The following NTM variants were observed in gnomAD, a reference collection of about 807,000 sequenced individuals.
The protein encoded by NTM is IgLON family member 2.
NTM carries 13 observed loss-of-function variants against 42.1 expected under a neutral mutation model. The ratio of observed to expected loss-of-function variants is 0.31; its 90% CI spans 0.20 to 0.49. The LOEUF (loss-of-function observed/expected upper bound fraction) is 0.49, where lower values mean the gene tolerates loss of function less well. Ranked by LOEUF, NTM falls within the 20% of genes least tolerant of loss-of-function variation. The pLI is 0.99. For missense variants in NTM, 373 were observed against 452.8 expected, an observed-to-expected ratio of 0.82 and a Z score of 1.60; for synonymous variants, 187 against 179.2, an observed-to-expected ratio of 1.04 and a Z score of -0.35.
chr11:131,825,652 T>C (rs1047197804), intron 1 of NTM, among the ~76,000 whole-genome samples: 1 of 152,120 alleles, frequency 6.6e-6, no homozygotes, highest in South Asian at 2.1e-4. Flanking sequence ...TTATAGATTA[T>C]GATATACCAG....
At chr11:132,168,649 CATT>C (rs927364321) in intron 3 of NTM, among the ~76,000 whole-genome samples, 7 of 152,298 alleles carry the variant, frequency 4.6e-5, no homozygotes, top group South Asian at 2.1e-4. Flanking sequence ...TTTTCTGTTG[CATT>C]ATTAAACCTT....
chr11:131,509,379 T>C (rs1210293726), intron 1 of NTM, among the ~76,000 whole-genome samples: 1 of 152,200 alleles, frequency 6.6e-6, no homozygotes, highest in African/African-American at 2.4e-5. Context: ...CTCACTGGTT[T>C]TGCATTTCTT....
chr11:132,198,568 AT>A, intron 3 of NTM, among the ~76,000 whole-genome samples: 1 of 152,178 alleles, frequency 6.6e-6, no homozygotes, highest in Non-Finnish European at 1.5e-5. Flanking sequence ...TGATAGATAC[AT>A]TTTACCACAG....
chr11:131,384,181 C>T (rs535530700), intron 1 of NTM, among the ~76,000 whole-genome samples: 3 of 152,004 alleles, frequency 2.0e-5, no homozygotes, highest in Admixed American at 6.6e-5. Flanking sequence ...AGACAGTCTT[C>T]AACACAGATA....
At chr11:131,919,323 A>G (rs2056888519) in intron 2 of NTM, among the ~76,000 whole-genome samples, 1 of 152,220 alleles carries the variant, frequency 6.6e-6, no homozygotes, top group South Asian at 2.1e-4. Context: ...AACTAATACT[A>G]AATAAATAAT....
In NTM at chr11:131,629,006, G is replaced by A. The variant is rs76861127; in HGVS notation, c.82+258118G>A. Reference sequence around the variant, plus strand: ...CTGTGCATGGTGTGGTGTGGGTGGGGACCAAGTTGAAGGAATCGGCAATAA... The same window carrying A: ...CTGTGCATGGTGTGGTGTGGGTGGGAACCAAGTTGAAGGAATCGGCAATAA... On this transcript the variant is annotated intron_variant, in intron 1 of 8. Transcript: ENST00000683400. Among the ~76,000 whole-genome samples the A allele has an allele frequency of 5.0e-3, 760 of 152,306 alleles. 8 individuals carry two copies. The highest frequency in any genetic ancestry group is 0.017 in the African/African-American group (707 of 41,564).
At chr11:131,824,129 A>G (rs543908076) in intron 1 of NTM, among the ~76,000 whole-genome samples, 52 of 152,352 alleles carry the variant, frequency 3.4e-4, no homozygotes, top group South Asian at 2.1e-3. Flanking sequence ...ACAGAGAGAC[A>G]TTTAATTTCC....
intron 1 of NTM, among the ~76,000 whole-genome samples, chr11:131,521,250 G>A (rs2049621581): frequency 6.6e-6 from 1 of 151,150 alleles, no homozygotes; most frequent in African/African-American, 2.4e-5. Flanking sequence ...GGGAAGTGGA[G>A]GTTGCAGTGA....
chr11:131,685,460 C>A (rs916307195), intron 1 of NTM, among the ~76,000 whole-genome samples: 4 of 152,132 alleles, frequency 2.6e-5, no homozygotes, highest in African/African-American at 7.2e-5. Flanking sequence ...TGTTTCTGAC[C>A]CTCTATTTAC....
At position 131,607,327 on chromosome 11, in the gene NTM, T is replaced by C. The variant is rs77777785; in HGVS notation, c.82+236439T>C. Among the ~76,000 whole-genome samples, 913 of 152,326 alleles carry C rather than the reference T, an allele frequency of 6.0e-3. 33 individuals are homozygous for C. The highest frequency in any genetic ancestry group is 0.048 in the Admixed American group (736 of 15,308). ...GAATGGGGCCCCCATGCCTCTCTGC[T>C]GTTTTGCGGTTATAGTCCTCCCTGT... On this transcript the variant is annotated intron_variant, in intron 1 of 8. Transcript: ENST00000683400.
At chr11:132,288,239 G>C (rs111994407) in intron 4 of NTM, among the ~76,000 whole-genome samples, 2 of 152,126 alleles carry the variant, frequency 1.3e-5, no homozygotes, top group Non-Finnish European at 2.9e-5. Flanking sequence ...GCCAAGACAC[G>C]TGCAGGCTTA....
At position 131,989,168 on chromosome 11, in the gene NTM, A is replaced by T. The variant is rs57575548; in HGVS notation, c.167+77520A>T. ...ACTGGACTGAAAGTCCTTTGAGGAT[A>T]GTTCTTTGTTATTATGTCTCATGTT... On this transcript the variant is annotated intron_variant, in intron 2 of 8. Transcript: ENST00000683400. Among the ~76,000 whole-genome samples, 1,266 of 152,316 alleles carry T rather than the reference A, an allele frequency of 8.3e-3. 21 individuals are homozygous for T. The highest frequency in any genetic ancestry group is 0.029 in the African/African-American group (1,215 of 41,582).
chr11:132,172,840 G>A (rs997519348), intron 3 of NTM, among the ~76,000 whole-genome samples: 1 of 152,124 alleles, frequency 6.6e-6, no homozygotes, highest in Non-Finnish European at 1.5e-5. Flanking sequence ...CCTTTGTTTC[G>A]ATCGCTTTTG....
chr11:132,153,539 T>C (rs749095675), intron 3 of NTM, among the ~76,000 whole-genome samples: 2 of 152,140 alleles, frequency 1.3e-5, no homozygotes, highest in Non-Finnish European at 2.9e-5. Context: ...TACAGCAATA[T>C]CAAGAGCAGC....
chr11:131,558,956 A>G (rs2055837354), intron 1 of NTM, among the ~76,000 whole-genome samples: 1 of 152,190 alleles, frequency 6.6e-6, no homozygotes, highest in South Asian at 2.1e-4. Flanking sequence ...AAGCTAAGCA[A>G]ATTCAGCAAA....
intron 4 of NTM, among the ~76,000 whole-genome samples, chr11:132,241,863 A>G (rs189216323): frequency 6.6e-6 from 1 of 152,242 alleles, no homozygotes; most frequent in Non-Finnish European, 1.5e-5. Flanking sequence ...GCCCATACAC[A>G]GTACAATTCT....
At chr11:131,484,959 A>T (rs745982302) in intron 1 of NTM, among the ~76,000 whole-genome samples, 1 of 152,240 alleles carries the variant, frequency 6.6e-6, no homozygotes, top group Non-Finnish European at 1.5e-5. Context: ...TTGAATAAAT[A>T]CCAAGATTTT....
intron 1 of NTM, among the ~76,000 whole-genome samples, chr11:131,375,334 C>A (rs1379926025): frequency 6.6e-6 from 1 of 152,206 alleles, no homozygotes; most frequent in African/African-American, 2.4e-5. Context: ...TACTTCCTTT[C>A]TGCTCTATTG....
At chr11:132,174,986 T>A (rs894475632) in intron 3 of NTM, among the ~76,000 whole-genome samples, 4 of 152,140 alleles carry the variant, frequency 2.6e-5, no homozygotes, top group African/African-American at 7.2e-5. Context: ...GCATGGCTGT[T>A]CTGAACCAGG....
Sources: allele counts gnomAD v4.1 joint callset (sites outside exome capture counted in the v4.1 genomes callset), GRCh38; gene constraint gnomAD v4.1.1; transcripts MANE v1.5; gene names NCBI Gene and HGNC (gene_info 2026-07-23, HGNC 2026-07-21).